Variants in GFRA1 observed in about 807,000 individuals in gnomAD.
GFRA1 encodes the protein GDNF family receptor alpha 1.
In GFRA1, 16 loss-of-function variants were observed where a neutral mutation model predicts 51.6. That is an observed-to-expected ratio of 0.31 (90% CI 0.21 to 0.47). The LOEUF (loss-of-function observed/expected upper bound fraction) is 0.47. Ranked by LOEUF, GFRA1 falls within the 20% of genes least tolerant of loss-of-function variation. The probability of loss-of-function intolerance (pLI) is 1.00; values close to 1 mark genes in which losing one functional copy is unlikely to be tolerated. For missense variants in GFRA1, 530 were observed against 594.3 expected, an observed-to-expected ratio of 0.89 and a Z score of 1.13; for synonymous variants, 270 against 241.3, an observed-to-expected ratio of 1.12 and a Z score of -1.10.
intron 8 of GFRA1, among the ~76,000 whole-genome samples, chr10:116,090,858 A>C (rs1412168532): frequency 3.3e-5 from 5 of 152,194 alleles, no homozygotes; most frequent in African/African-American, 9.7e-5. Context: ...ATTTAAGCCT[A>C]ATCTTCCTCT....
At position 116,096,101 on chromosome 10, in the gene GFRA1, C is replaced by T. The variant is rs545247802; in HGVS notation, c.880+554G>A. On this transcript the variant is annotated intron_variant, in intron 7 of 10. Coordinates refer to ENST00000355422, the MANE Select transcript of GFRA1 (RefSeq NM_005264.8). ...TGAAAGACAGAAAATACGGTTACTGCTATGTCTGTTTTCAGGAAAAAAAAT... is the reference window on the plus strand; with the variant it reads ...TGAAAGACAGAAAATACGGTTACTGTTATGTCTGTTTTCAGGAAAAAAAAT... Among the ~76,000 whole-genome samples the T allele has an allele frequency of 3.0e-4, 45 of 152,240 alleles. 1 individual carries two copies. The South Asian group carries it at 8.9e-3, about 30-fold the overall frequency.
At chr10:116,071,213 G>A (rs1436693885) in intron 9 of GFRA1, among the ~76,000 whole-genome samples, 1 of 152,166 alleles carries the variant, frequency 6.6e-6, no homozygotes, top group African/African-American at 2.4e-5. Flanking sequence ...AGCCCTGGGT[G>A]ACTCTTCTAC....
At position 116,058,598 on chromosome 10, in the gene GFRA1, G is replaced by A. The variant is rs1053392362; in HGVS notation, c.*5800C>T. 6.6e-6 allele frequency: 1 copy of A among 152,224 alleles called. No individual in the cohort carries two copies. Among genetic ancestry groups the A allele is most frequent in the African/African-American group, 2.4e-5 (1 of 41,458 alleles). The allele number at this position is 152,224 out of a possible 1,614,324, so 9.4% of individuals were successfully genotyped here. ...CTGGGAGACTGAGTCTCAGTTTCAT[G>A]AATGATTTGTAAAGAGAATACAGCG... On this transcript the variant is annotated 3_prime_UTR_variant, in exon 11 of 11. Coordinates refer to ENST00000355422, the MANE Select transcript of GFRA1 (RefSeq NM_005264.8).
At chr10:116,214,617 G>A (rs1479683386) in intron 4 of GFRA1, among the ~76,000 whole-genome samples, 2 of 152,204 alleles carry the variant, frequency 1.3e-5, no homozygotes, top group Admixed American at 6.5e-5. Flanking sequence ...ACAAATTAGA[G>A]ATTTATCATT....
intron 6 of GFRA1, among the ~76,000 whole-genome samples, chr10:116,111,599 G>A (rs982656260): frequency 5.3e-5 from 8 of 152,092 alleles, no homozygotes; most frequent in African/African-American, 1.7e-4. Flanking sequence ...CCTCCCCTAA[G>A]CCTACTCCCA....
intron 5 of GFRA1, among the ~76,000 whole-genome samples, chr10:116,156,144 T>C (rs888284561): frequency 1.4e-4 from 21 of 152,298 alleles, no homozygotes; most frequent in African/African-American, 5.1e-4. Flanking sequence ...AACAGAGCCA[T>C]CACTTTCTGA....
chr10:116,184,790 G>A lies in GFRA1; in HGVS notation c.433+26841C>T, dbSNP rs553980636. ...GGGAAAATAGGTCACATTGGTCACC[G>A]GTGTTCCTGGCTGTTTAACCAGAGC... On this transcript the variant is annotated intron_variant, in intron 5 of 10. Transcript: ENST00000355422. Among the ~76,000 whole-genome samples, 10 of 152,196 alleles carry A rather than the reference G, an allele frequency of 6.6e-5. No individual in the cohort carries two copies. The South Asian group carries it at 8.3e-4, about 13-fold the overall frequency.
chr10:116,271,204 G>C, intron 2 of GFRA1, 89 bp from the exon 3 acceptor site: 2 of 1,166,452 alleles, frequency 1.7e-6, no homozygotes, highest in Non-Finnish European at 2.4e-6. Flanking sequence ...CCGGGTCAGG[G>C]ATGCTTGACC....
intron 5 of GFRA1, among the ~76,000 whole-genome samples, chr10:116,126,266 T>C (rs1485895377): frequency 6.6e-6 from 1 of 152,240 alleles, no homozygotes; most frequent in Non-Finnish European, 1.5e-5. Context: ...GCTTGTATTT[T>C]GAATAGAATT....
At chr10:116,083,834 G>C (rs1033289164) in intron 9 of GFRA1, among the ~76,000 whole-genome samples, 1 of 152,098 alleles carries the variant, frequency 6.6e-6, no homozygotes, top group African/African-American at 2.4e-5. Flanking sequence ...TCTAAATATA[G>C]ATTATTTTCA....
intron 5 of GFRA1, among the ~76,000 whole-genome samples, chr10:116,143,880 T>C (rs1420822641): frequency 2.0e-5 from 3 of 152,232 alleles, no homozygotes; most frequent in Non-Finnish European, 4.4e-5. Flanking sequence ...TAATGTGTTA[T>C]GACCTGCAAG....
intron 4 of GFRA1, among the ~76,000 whole-genome samples, chr10:116,245,756 T>C (rs183393615): frequency 6.6e-6 from 1 of 152,200 alleles, no homozygotes; most frequent in Admixed American, 6.5e-5. Flanking sequence ...TATTCAGCAG[T>C]TGAAAAAAGT....
At chr10:116,161,519 C>T (rs1291329095) in intron 5 of GFRA1, among the ~76,000 whole-genome samples, 1 of 152,176 alleles carries the variant, frequency 6.6e-6, no homozygotes, top group Non-Finnish European at 1.5e-5. Context: ...TGTGTCCCCA[C>T]CCAAATTTCA....
intron 5 of GFRA1, among the ~76,000 whole-genome samples, chr10:116,186,346 T>G (rs1483158013): frequency 6.6e-6 from 1 of 152,142 alleles, no homozygotes. Context: ...AGGAACTAAG[T>G]GGCAAGAGAG....
chr10:116,099,859 T>C (rs1956748476), intron 6 of GFRA1, among the ~76,000 whole-genome samples: 1 of 152,252 alleles, frequency 6.6e-6, no homozygotes, highest in Admixed American at 6.5e-5. Context: ...GAATGAAGTG[T>C]TCAGTACATG....
intron 4 of GFRA1, among the ~76,000 whole-genome samples, chr10:116,268,570 G>C (rs1029034663): frequency 1.3e-5 from 2 of 151,822 alleles, no homozygotes; most frequent in Non-Finnish European, 2.9e-5. Context: ...TTGATTCTGT[G>C]GCTTTTCTGC....
intron 5 of GFRA1, 76 bp downstream of exon 5, chr10:116,211,555 C>T (rs1191409135): frequency 1.0e-5 from 13 of 1,305,228 alleles, no homozygotes; most frequent in Non-Finnish European, 1.4e-5. Flanking sequence ...CCCCATAACC[C>T]TCTGTACACA....
At chr10:116,268,055 G>C (rs574138189) in intron 4 of GFRA1, among the ~76,000 whole-genome samples, 1 of 152,070 alleles carries the variant, frequency 6.6e-6, no homozygotes, top group African/African-American at 2.4e-5. Flanking sequence ...ACCCAGCCTA[G>C]GGATCTTGTT....
chr10:116,097,763 G>C (rs1042312564), intron 6 of GFRA1, among the ~76,000 whole-genome samples: 2 of 152,180 alleles, frequency 1.3e-5, no homozygotes, highest in African/African-American at 4.8e-5. Flanking sequence ...GTTCTCTTCT[G>C]TCTTTAGCTC....
Sources: gnomAD v4.1 joint callset for allele counts (sites outside exome capture counted in the v4.1 genomes callset) on GRCh38, gnomAD v4.1.1 for gene constraint, MANE v1.5 for transcripts, NCBI Gene and HGNC (gene_info 2026-07-23, HGNC 2026-07-21) for gene names.